Variants in XKR6 observed in about 807,000 individuals in gnomAD.
XKR6 encodes XK related 6.
A neutral mutation model predicts 56.7 loss-of-function variants in XKR6; 22 were observed. The ratio of observed to expected loss-of-function variants is 0.39; its 90% CI spans 0.28 to 0.55. The LOEUF (loss-of-function observed/expected upper bound fraction) is 0.55, where lower values mean the gene tolerates loss of function less well. Among genes scored for constraint, XKR6 ranks in the 20% least tolerant of loss-of-function variants. The pLI is 0.66. For missense variants in XKR6, 852 were observed against 889.0 expected (o/e 0.96, Z 0.53); for synonymous variants, 524 against 387.8 (o/e 1.35, Z -4.13).
At chr8:11,071,192 C>T (rs1260160239) in intron 1 of XKR6, among the ~76,000 whole-genome samples, 2 of 152,176 alleles carry the variant, frequency 1.3e-5, no homozygotes, top group Non-Finnish European at 2.9e-5. Flanking sequence ...ACAGCTTCCT[C>T]ACGGGTGTGT....
At chr8:11,057,933 A>G (rs1799727411) in intron 1 of XKR6, among the ~76,000 whole-genome samples, 1 of 152,268 alleles carries the variant, frequency 6.6e-6, no homozygotes, top group Admixed American at 6.5e-5. Context: ...TGCTTGTTAA[A>G]TGAAGGAAGA....
At chr8:11,053,048 C>A (rs1201614477) in intron 1 of XKR6, among the ~76,000 whole-genome samples, 1 of 152,168 alleles carries the variant, frequency 6.6e-6, no homozygotes, top group Non-Finnish European at 1.5e-5. Context: ...TGAAGCCCAG[C>A]TGACCCCCCC....
intron 1 of XKR6, among the ~76,000 whole-genome samples, chr8:10,939,368 T>C (rs937671390): frequency 8.5e-5 from 13 of 152,186 alleles, no homozygotes; most frequent in Admixed American, 7.9e-4. Flanking sequence ...ACTCTACTGA[T>C]GACTTCCCAA....
intron 1 of XKR6, among the ~76,000 whole-genome samples, chr8:11,054,773 G>T (rs1799639024): frequency 6.6e-6 from 1 of 152,172 alleles, no homozygotes; most frequent in Admixed American, 6.5e-5. Flanking sequence ...GTGGGTGAGG[G>T]TCCGAGGGCG....
chr8:11,147,887 T>C (rs1409828239), intron 1 of XKR6, among the ~76,000 whole-genome samples: 1 of 151,958 alleles, frequency 6.6e-6, no homozygotes, highest in Admixed American at 6.6e-5. Context: ...TGGCTGTATT[T>C]GGAGAGGAGG....
At chr8:11,156,848 TAC>T (rs571443159) in intron 1 of XKR6, among the ~76,000 whole-genome samples, 290 of 151,092 alleles carry the variant, frequency 1.9e-3, no homozygotes, top group Non-Finnish European at 3.4e-3. Flanking sequence ...CACACACACA[TAC>T]ACACACACAC....
At chr8:10,966,052 G>A (rs1448416948) in intron 1 of XKR6, among the ~76,000 whole-genome samples, 1 of 152,014 alleles carries the variant, frequency 6.6e-6, no homozygotes, top group Non-Finnish European at 1.5e-5. Context: ...CTCAAACCTC[G>A]GGTACATCCA....
At chr8:11,148,850 G>C (rs1205821757) in intron 1 of XKR6, among the ~76,000 whole-genome samples, 1 of 152,124 alleles carries the variant, frequency 6.6e-6, no homozygotes, top group Admixed American at 6.6e-5. Context: ...AAAAAGGAAA[G>C]AACTATTAAT....
intron 1 of XKR6, among the ~76,000 whole-genome samples, chr8:11,097,032 A>G (rs1325560076): frequency 6.6e-6 from 1 of 152,186 alleles, no homozygotes; most frequent in Non-Finnish European, 1.5e-5. Context: ...CTCAAGTTTC[A>G]GTTCCATCCA....
intron 1 of XKR6, among the ~76,000 whole-genome samples, chr8:11,102,487 C>A (rs1798520247): frequency 6.6e-6 from 1 of 152,160 alleles, no homozygotes; most frequent in Admixed American, 6.5e-5. Flanking sequence ...TTTTGCTGTA[C>A]TCTCATTCTG....
intron 1 of XKR6, among the ~76,000 whole-genome samples, chr8:11,060,540 A>G (rs953269311): frequency 1.3e-5 from 2 of 152,186 alleles, no homozygotes. Flanking sequence ...TCGTTTCTAC[A>G]TGATTATTGG....
At chr8:10,941,889 C>T (rs1033692414) in intron 1 of XKR6, among the ~76,000 whole-genome samples, 3 of 152,306 alleles carry the variant, frequency 2.0e-5, no homozygotes, top group East Asian at 3.9e-4. Context: ...GGCCCTTCCA[C>T]GGCTGCCTCT....
At chr8:10,945,834 C>A (rs1361934859) in intron 1 of XKR6, among the ~76,000 whole-genome samples, 2 of 152,172 alleles carry the variant, frequency 1.3e-5, no homozygotes, top group Non-Finnish European at 2.9e-5. Flanking sequence ...AACCCGAGAG[C>A]TGGGTGGTGT....
chr8:11,106,309 T>C (rs1230897209), intron 1 of XKR6: 1 of 127,558 alleles, frequency 7.8e-6, no homozygotes, highest in African/African-American at 2.8e-5. Context: ...TTTACTGGCA[T>C]CTGGGGGTCA....
chr8:11,148,656 T>C (rs1000981517), intron 1 of XKR6, among the ~76,000 whole-genome samples: 6 of 152,202 alleles, frequency 3.9e-5, no homozygotes, highest in African/African-American at 1.4e-4. Flanking sequence ...TATCATATGA[T>C]CCAGCTATTC....
At chr8:11,048,115 C>CTCAG (rs1563102651) in intron 1 of XKR6, among the ~76,000 whole-genome samples, 2 of 152,264 alleles carry the variant, frequency 1.3e-5, no homozygotes, top group East Asian at 3.9e-4. Context: ...ACCCCCCACG[C>CTCAG]TCAGTCACTG....
chr8:11,035,374 G>T (rs1033030705), intron 1 of XKR6: 1 of 530,692 alleles, frequency 1.9e-6, no homozygotes, highest in Non-Finnish European at 3.9e-6. Context: ...TCATGAATGG[G>T]GCTCTTTGCA....
At chr8:10,939,625 G>A (rs1801330322) in intron 1 of XKR6, among the ~76,000 whole-genome samples, 1 of 152,224 alleles carries the variant, frequency 6.6e-6, no homozygotes, top group African/African-American at 2.4e-5. Context: ...ACCTGGGAGT[G>A]GTGGTCACGC....
chr8:11,186,195 C>T (rs1231342455), intron 1 of XKR6, among the ~76,000 whole-genome samples: 4 of 151,644 alleles, frequency 2.6e-5, no homozygotes, highest in Non-Finnish European at 2.9e-5. Context: ...CCCCCATCCC[C>T]ATCCCACTTT....
Sources: allele counts gnomAD v4.1 joint callset (sites outside exome capture counted in the v4.1 genomes callset), GRCh38; gene constraint gnomAD v4.1.1; transcripts MANE v1.5; gene names NCBI Gene and HGNC (gene_info 2026-07-23, HGNC 2026-07-21).